UTP20: variants seen among roughly 807,000 people sequenced by gnomAD.
UTP20 encodes the protein UTP20 small subunit processome component.
Under a neutral mutation model 329.5 loss-of-function variants are expected in UTP20, and 164 were observed. That is an observed-to-expected ratio of 0.50 (90% CI 0.44 to 0.57). UTP20 has a LOEUF of 0.57. Ranked by LOEUF, UTP20 falls within the 20% of genes least tolerant of loss-of-function variation. The pLI, the probability that UTP20 is intolerant of heterozygous loss-of-function variation, is 0.00. For synonymous variants in UTP20, 1,151 were observed against 1,159.3 expected (o/e 0.99, Z 0.14); for missense variants, 3,055 against 3,284.2 (o/e 0.93, Z 1.71).
chr12:101,339,668 C>G (rs995058893), intron 31 of UTP20, among the ~76,000 whole-genome samples: 2 of 152,042 alleles, frequency 1.3e-5, no homozygotes, highest in African/African-American at 4.8e-5. Flanking sequence ...TTTTTTGAGT[C>G]AAGATCTCAC....
chr12:101,374,447 T>C (rs1184440107), intron 54 of UTP20, among the ~76,000 whole-genome samples: 2 of 152,210 alleles, frequency 1.3e-5, no homozygotes, highest in African/African-American at 2.4e-5. Flanking sequence ...TTGGCCCATC[T>C]TTGTGAAACA....
At chr12:101,366,010 C>A (rs1421510842) in intron 46 of UTP20, among the ~76,000 whole-genome samples, 1 of 152,110 alleles carries the variant, frequency 6.6e-6, no homozygotes, top group African/African-American at 2.4e-5. Context: ...GAGGGCAGAT[C>A]ACCTGAGGTC....
In UTP20 at chr12:101,342,845, A is replaced by G. The variant is rs764676304; in HGVS notation, c.4296+8A>G. On this transcript the variant is annotated splice_region_variant and intron_variant, in intron 34 of 61. Transcript: ENST00000261637. The stretch of plus-strand genomic sequence containing the variant: ...ATTACTGATGTTGTCAAGGTAAGAA[A>G]GAAGGGTTTCTCTTTGGCTTCAAAA... 1 of 1,613,026 alleles carries G rather than the reference A, an allele frequency of 6.2e-7. No individual in the cohort carries two copies. Among genetic ancestry groups the G allele is most frequent in the Middle Eastern group, 1.7e-4 (1 of 6,056 alleles).
chr12:101,290,695 A>G, intron 7 of UTP20, 38 bp from the exon 8 acceptor site: 1 of 1,560,948 alleles, frequency 6.4e-7, no homozygotes, highest in Non-Finnish European at 8.6e-7. Flanking sequence ...TGAAAATAAG[A>G]GTTTATATAT....
At position 101,373,446 on chromosome 12, in the gene UTP20, C is replaced by T. The variant is rs112278934; in HGVS notation, c.6924C>T (p.Ala2308=). Residue 2308 remains alanine (A), a synonymous_variant, in exon 53 of 62, where the codon GCC becomes GCT. Transcript: ENST00000261637. ...GAGAGTCCACCTTGGAAATGATCGC[C>T]TATCTCTTTGACACGTTCCCTCAGG... is the stretch of plus-strand genomic sequence containing the variant. The part of the protein sequence containing the change: ...TGRESTLEMI[A]YLFDTFPQGL... The T allele has an allele frequency of 1.5e-3, 2,368 of 1,614,226 alleles. 1 individual carries two copies. Among genetic ancestry groups the T allele is most frequent in the Non-Finnish European group, 1.8e-3 (2,116 of 1,180,038 alleles).
chr12:101,310,597 A>AAAAAAAAAAAAAAAAAAAAAAAAAAAAG (rs1380114662), intron 19 of UTP20, among the ~76,000 whole-genome samples: 1 of 150,342 alleles, frequency 6.7e-6, no homozygotes, highest in African/African-American at 2.5e-5. Flanking sequence ...AAAAAAAAAA[A>AAAAAAAAAAAAAAAAAAAAAAAAAAAAG]ATACATGTTA....
At chr12:101,356,410 G>C in intron 41 of UTP20, 144 bp from the exon 42 acceptor site, 2 of 800,752 alleles carry the variant, frequency 2.5e-6, no homozygotes, top group Non-Finnish European at 1.9e-6. Context: ...CCAGGCATGA[G>C]CCACCGCACC....
At position 101,317,925 on chromosome 12, in the gene UTP20, G is replaced by A. The variant is rs1873027655; in HGVS notation, c.2738+262G>A. On this transcript the variant is annotated intron_variant, in intron 22 of 61. Coordinates refer to ENST00000261637, the MANE Select transcript of UTP20 (RefSeq NM_014503.3). ...CATCTAATTGTAGCTCCTTTTTATAGATGAGAACTTTGGGACCTGGAGTGT... is the reference window on the plus strand; with the variant it reads ...CATCTAATTGTAGCTCCTTTTTATAAATGAGAACTTTGGGACCTGGAGTGT... 2.0e-5 allele frequency among the ~76,000 whole-genome samples: 3 copies of A among 152,156 alleles called. No individual in the cohort carries two copies. In the South Asian group the frequency reaches 6.2e-4, roughly 32 times the overall value.
In UTP20 at chr12:101,366,687, G is replaced by A; in HGVS notation, c.6255G>A (p.Glu2085=). 1 of 1,613,770 alleles carries A rather than the reference G, an allele frequency of 6.2e-7. No individual in the cohort carries two copies. Among genetic ancestry groups the A allele is most frequent in the South Asian group, 1.1e-5 (1 of 91,000 alleles). The change falls in exon 47 of 62, where the codon GAG becomes GAA. Residue 2085 remains glutamate, a synonymous_variant. Transcript: ENST00000261637. ...SRKTNMHIFI[E]SGLRLLHLSL... The stretch of plus-strand genomic sequence containing the variant: ...AAACCAACATGCACATATTTATTGA[G>A]TCCGGGCTTCGGGTAAGAATTAACC...
At chr12:101,307,837 G>A (rs745764238) in intron 17 of UTP20, among the ~76,000 whole-genome samples, 1 of 152,162 alleles carries the variant, frequency 6.6e-6, no homozygotes. Flanking sequence ...TGTTTATGTA[G>A]GGAAATAGTT....
intron 56 of UTP20, among the ~76,000 whole-genome samples, chr12:101,378,100 G>C (rs192127954): frequency 1.3e-5 from 2 of 152,148 alleles, no homozygotes; most frequent in African/African-American, 4.8e-5. Context: ...GAATGGCCAC[G>C]TAGCCAAATG....
intron 39 of UTP20, 55 bp from the exon 40 acceptor site, chr12:101,352,992 A>ATATTTATAGTGTATAAATATCCTC: frequency 9.0e-7 from 1 of 1,109,430 alleles, no homozygotes; most frequent in Non-Finnish European, 1.3e-6. Flanking sequence ...TCCTTTTATA[A>ATATTTATAGTGTATAAATATCCTC]TCCAGTGATA....
At chr12:101,379,211 T>G (rs1253835847) in intron 56 of UTP20, among the ~76,000 whole-genome samples, 160 bp from the exon 57 acceptor site, 1 of 152,194 alleles carries the variant, frequency 6.6e-6, no homozygotes, top group Non-Finnish European at 1.5e-5. Flanking sequence ...AACCAATCTC[T>G]TTTCATCCCC....
intron 43 of UTP20, among the ~76,000 whole-genome samples, chr12:101,359,530 C>G (rs1316023646): frequency 6.6e-6 from 1 of 150,978 alleles, no homozygotes; most frequent in African/African-American, 2.4e-5. Flanking sequence ...GCTCTTCTTC[C>G]ACTCTGTTTA....
chr12:101,333,162 C>A, intron 27 of UTP20, 139 bp from the exon 28 acceptor site: 1 of 785,332 alleles, frequency 1.3e-6, no homozygotes, highest in Non-Finnish European at 2.0e-6. Flanking sequence ...TTGGTGTTCC[C>A]ATGTAAATCA....
At chr12:101,379,344 T>A (rs1261819138) in intron 56 of UTP20, 27 bp from the exon 57 acceptor site, 3 of 1,560,950 alleles carry the variant, frequency 1.9e-6, no homozygotes, top group African/African-American at 1.4e-5. Context: ...CCATGTGACA[T>A]CCACAAATGC....
chr12:101,281,252 C>T (rs1429851186), intron 2 of UTP20, 56 bp downstream of exon 2: 8 of 1,455,928 alleles, frequency 5.5e-6, no homozygotes, highest in Middle Eastern at 1.8e-4. Context: ...TTAGTTTCTT[C>T]TGTTAGTAGA....
chr12:101,331,268 G>T (rs954840306), intron 27 of UTP20, among the ~76,000 whole-genome samples: 2 of 152,200 alleles, frequency 1.3e-5, no homozygotes, highest in African/African-American at 4.8e-5. Flanking sequence ...AATGGGAAGG[G>T]TGGTTGGTGG....
chr12:101,283,653 T>C (rs1871867367), intron 2 of UTP20, among the ~76,000 whole-genome samples: 1 of 152,188 alleles, frequency 6.6e-6, no homozygotes, highest in Non-Finnish European at 1.5e-5. Flanking sequence ...ATTTTCTTTC[T>C]GCCTTAAAGG....
Sources: gnomAD v4.1 joint callset for allele counts (sites outside exome capture counted in the v4.1 genomes callset) on GRCh38, gnomAD v4.1.1 for gene constraint, MANE v1.5 for transcripts, NCBI Gene and HGNC (gene_info 2026-07-23, HGNC 2026-07-21) for gene names.